The following SENP7 variants were observed in gnomAD, a reference collection of about 807,000 sequenced individuals.
SENP7 encodes the protein SUMO specific peptidase 7, also known as sentrin-specific protease 7.
In SENP7, 64 loss-of-function variants were observed where a neutral mutation model predicts 141.2. That is an observed-to-expected ratio of 0.45 (90% CI 0.37 to 0.56). The LOEUF (loss-of-function observed/expected upper bound fraction) is 0.56. SENP7 is among the 20% of genes least tolerant of loss of function. SENP7 has a pLI of 0.00. For missense variants in SENP7, 1,025 were observed against 1,212.2 expected (o/e 0.85, Z 2.29); for synonymous variants, 382 against 426.4 (o/e 0.90, Z 1.28).
intron 3 of SENP7, among the ~76,000 whole-genome samples, chr3:101,474,134 A>C (rs1309880080): frequency 6.6e-6 from 1 of 152,162 alleles, no homozygotes; most frequent in Non-Finnish European, 1.5e-5. Flanking sequence ...TGATGCCTCC[A>C]GCTTTGTTCT....
chr3:101,452,262 T>G (rs1018783699), intron 4 of SENP7, among the ~76,000 whole-genome samples: 25 of 152,284 alleles, frequency 1.6e-4, no homozygotes, highest in African/African-American at 6.0e-4. Context: ...GTAGGAAGAA[T>G]CAATATCATG....
intron 6 of SENP7, among the ~76,000 whole-genome samples, chr3:101,388,288 C>A (rs954832461): frequency 1.3e-5 from 2 of 152,124 alleles, no homozygotes; most frequent in Non-Finnish European, 2.9e-5. Flanking sequence ...TATCTAAGGG[C>A]CAGCTTGCTT....
At chr3:101,440,500 C>T (rs1414382195) in intron 4 of SENP7, among the ~76,000 whole-genome samples, 1 of 129,154 alleles carries the variant, frequency 7.7e-6, no homozygotes, top group Non-Finnish European at 1.6e-5. Context: ...ATCTGCTGAC[C>T]TTCCCTCCAC....
chr3:101,499,694 C>T (rs1241335973), intron 2 of SENP7, among the ~76,000 whole-genome samples: 4 of 152,148 alleles, frequency 2.6e-5, no homozygotes, highest in African/African-American at 7.2e-5. Flanking sequence ...TGCCACCACA[C>T]CCCGCTAATT....
chr3:101,513,205 G>T lies in SENP7; in HGVS notation c.-75C>A. 1 of 645,822 alleles carries T rather than the reference G, an allele frequency of 1.5e-6. No homozygotes were observed. 40.0% of individuals were successfully genotyped at this position (645,822 alleles called of 1,614,324 possible). A position where few individuals can be genotyped will look rare whatever the true frequency, so the allele number is the denominator to read the frequency against. On this transcript the variant is annotated 5_prime_UTR_variant, in exon 1 of 24. Transcript: ENST00000394095. Reference sequence around the variant, plus strand: ...CCTCCGGCTTGGAGAGGGAGGGGGAGGGGAAAGGAAAAAAAAAAAAAAAAA... The same window carrying T: ...CCTCCGGCTTGGAGAGGGAGGGGGATGGGAAAGGAAAAAAAAAAAAAAAAA...
At chr3:101,443,975 T>G (rs1228840977) in intron 4 of SENP7, among the ~76,000 whole-genome samples, 1 of 147,626 alleles carries the variant, frequency 6.8e-6, no homozygotes, top group Non-Finnish European at 1.5e-5. Context: ...TGGGAGAAAA[T>G]TTTTGCAACC....
chr3:101,474,048 T>C (rs1434660995), intron 3 of SENP7, among the ~76,000 whole-genome samples: 2 of 152,142 alleles, frequency 1.3e-5, no homozygotes, highest in African/African-American at 4.8e-5. Flanking sequence ...GTTGTAGGTA[T>C]GCAGTCTTAT....
chr3:101,457,491 T>A (rs1434635383), intron 4 of SENP7: 1 of 1,609,720 alleles, frequency 6.2e-7, no homozygotes, highest in East Asian at 2.2e-5. Context: ...CAGAGATGCC[T>A]GAACTTTAGG....
chr3:101,358,230 A>T lies in SENP7; in HGVS notation c.1623+3485T>A. 4 of 874,158 alleles carry T rather than the reference A, an allele frequency of 4.6e-6. No individual in the cohort carries two copies. In the South Asian group the frequency reaches 5.2e-5, roughly 11 times the overall value. 54.2% of individuals were successfully genotyped at this position (874,158 alleles called of 1,614,324 possible). On this transcript the variant is annotated intron_variant, in intron 11 of 23. Coordinates refer to ENST00000394095, the MANE Select transcript of SENP7 (RefSeq NM_020654.5). Reference sequence around the variant, plus strand: ...GTTTAGTCAAGCCTCACTAAACATAAGAGAACTCATACTAGAGAGAAACCT... The same window carrying T: ...GTTTAGTCAAGCCTCACTAAACATATGAGAACTCATACTAGAGAGAAACCT...
At chr3:101,438,107 C>T (rs2062460452) in intron 4 of SENP7, among the ~76,000 whole-genome samples, 1 of 152,066 alleles carries the variant, frequency 6.6e-6, no homozygotes, top group Admixed American at 6.5e-5. Context: ...TGGATATACA[C>T]CCAAAAAAAT....
intron 4 of SENP7, among the ~76,000 whole-genome samples, chr3:101,422,071 C>A (rs902907268): frequency 6.6e-6 from 1 of 152,114 alleles, no homozygotes; most frequent in Non-Finnish European, 1.5e-5. Flanking sequence ...CGAGCATTAC[C>A]GCCTGAGCTC....
At chr3:101,395,772 C>A (rs1214143943) in intron 6 of SENP7, among the ~76,000 whole-genome samples, 1 of 152,144 alleles carries the variant, frequency 6.6e-6, no homozygotes, top group Non-Finnish European at 1.5e-5. Context: ...ATGGTGATGA[C>A]GATAAGTGGA....
At chr3:101,448,148 G>A (rs1356558867) in intron 4 of SENP7, among the ~76,000 whole-genome samples, 1 of 152,148 alleles carries the variant, frequency 6.6e-6, no homozygotes, top group African/African-American at 2.4e-5. Flanking sequence ...ACTCTTAGAA[G>A]AAAACACAGT....
chr3:101,416,887 T>A (rs1166099099), intron 5 of SENP7, among the ~76,000 whole-genome samples: 1 of 152,170 alleles, frequency 6.6e-6, no homozygotes, highest in African/African-American at 2.4e-5. Flanking sequence ...TTATTCTAAC[T>A]GAAAATAAAG....
At chr3:101,368,123 A>G (rs1237928736) in intron 7 of SENP7, 112 bp from the exon 8 acceptor site, 4 of 760,654 alleles carry the variant, frequency 5.3e-6, no homozygotes, top group Non-Finnish European at 8.3e-6. Context: ...AAAGCTCATT[A>G]AAACAGAAAT....
intron 4 of SENP7, among the ~76,000 whole-genome samples, chr3:101,438,683 G>A (rs1412120577): frequency 1.3e-5 from 2 of 152,210 alleles, no homozygotes; most frequent in Admixed American, 6.5e-5. Flanking sequence ...GTTATTCTAT[G>A]TAAATTACAC....
chr3:101,364,330 T>C (rs1207643757), intron 10 of SENP7, among the ~76,000 whole-genome samples: 4 of 152,188 alleles, frequency 2.6e-5, no homozygotes, highest in African/African-American at 9.7e-5. Flanking sequence ...TCGACTGATA[T>C]TAAACTAACA....
intron 2 of SENP7, among the ~76,000 whole-genome samples, chr3:101,495,036 G>C (rs1462433293): frequency 6.6e-6 from 1 of 152,082 alleles, no homozygotes; most frequent in Admixed American, 6.6e-5. Flanking sequence ...CTATCCGTCT[G>C]ACAAACTCTA....
intron 3 of SENP7, among the ~76,000 whole-genome samples, chr3:101,476,002 T>A (rs2064198783): frequency 1.3e-5 from 2 of 152,078 alleles, no homozygotes; most frequent in African/African-American, 4.8e-5. Flanking sequence ...CTAAGAGACA[T>A]CTACAGAACA....
Sources: gnomAD v4.1 joint callset for allele counts (sites outside exome capture counted in the v4.1 genomes callset) on GRCh38, gnomAD v4.1.1 for gene constraint, MANE v1.5 for transcripts, NCBI Gene and HGNC (gene_info 2026-07-23, HGNC 2026-07-21) for gene names.